SLC24A2: variants seen among roughly 807,000 people sequenced by gnomAD.
SLC24A2 encodes sodium/potassium/calcium exchanger 2.
SLC24A2 carries 36 observed loss-of-function variants against 62.0 expected under a neutral mutation model. The observed-to-expected ratio is 0.58, with a 90% CI of 0.44 to 0.77. The LOEUF (loss-of-function observed/expected upper bound fraction) is 0.77, where lower values mean the gene tolerates loss of function less well. SLC24A2 is among the 30% of genes least tolerant of loss of function. The pLI, the probability that SLC24A2 is intolerant of heterozygous loss-of-function variation, is 0.00. For missense variants in SLC24A2, 846 were observed against 817.9 expected, an observed-to-expected ratio of 1.03 and a Z score of -0.42; for synonymous variants, 358 against 294.0, an observed-to-expected ratio of 1.22 and a Z score of -2.23.
chr9:19,883,638 T>A, the SLC24A2 span, among the ~76,000 whole-genome samples: 1 of 151,702 alleles, frequency 6.6e-6, no homozygotes, highest in Non-Finnish European at 1.5e-5. Flanking sequence ...CTATCTCGGC[T>A]CACTGCAAGC....
chr9:20,233,988 C>A, the SLC24A2 span, among the ~76,000 whole-genome samples: 386 of 152,276 alleles, frequency 2.5e-3, 3 homozygotes, highest in African/African-American at 9.0e-3. Flanking sequence ...ACTTACGAAG[C>A]TTAGTTTGGC....
intron 2 of SLC24A2, among the ~76,000 whole-genome samples, chr9:19,755,667 A>C (rs975947690): frequency 6.6e-6 from 1 of 152,178 alleles, no homozygotes; most frequent in Admixed American, 6.5e-5. Flanking sequence ...TGTGGGTCAG[A>C]GTCTATCAAG....
chr9:20,071,520 A>G, the SLC24A2 span, among the ~76,000 whole-genome samples: 1 of 152,210 alleles, frequency 6.6e-6, no homozygotes, highest in Non-Finnish European at 1.5e-5. Flanking sequence ...TGACTGTGGT[A>G]GGATGAATAA....
chr9:19,851,000 T>TATATAC, the SLC24A2 span, among the ~76,000 whole-genome samples: 3 of 45,176 alleles, frequency 6.6e-5, no homozygotes, highest in Non-Finnish European at 1.4e-4. Flanking sequence ...TATATATATA[T>TATATAC]ACACATACAT....
the SLC24A2 span, among the ~76,000 whole-genome samples, chr9:19,835,768 T>C: frequency 6.6e-6 from 1 of 152,166 alleles, no homozygotes; most frequent in Non-Finnish European, 1.5e-5. Context: ...ATCAACAGAA[T>C]ATACATTCTT....
the SLC24A2 span, among the ~76,000 whole-genome samples, chr9:19,906,059 C>T: frequency 2.6e-5 from 4 of 152,152 alleles, no homozygotes; most frequent in Admixed American, 1.3e-4. Context: ...TATTCCAAAA[C>T]TGACCACATA....
intron 2 of SLC24A2, among the ~76,000 whole-genome samples, chr9:19,734,778 T>G (rs544996214): frequency 2.6e-5 from 2 of 76,526 alleles, no homozygotes; most frequent in East Asian, 1.4e-3. Flanking sequence ...AAGGAGATTT[T>G]GGGCTGAGAT....
At chr9:20,026,337 C>T in the SLC24A2 span, among the ~76,000 whole-genome samples, 1 of 152,188 alleles carries the variant, frequency 6.6e-6, no homozygotes, top group African/African-American at 2.4e-5. Context: ...TGCCATCAGT[C>T]TGCAATTAAA....
At chr9:19,541,543 T>G (rs1365697447) in intron 8 of SLC24A2, among the ~76,000 whole-genome samples, 2 of 148,446 alleles carry the variant, frequency 1.3e-5, no homozygotes, top group African/African-American at 5.0e-5. Flanking sequence ...GGGACCCAAT[T>G]GAGGAGGCAG....
the SLC24A2 span, among the ~76,000 whole-genome samples, chr9:19,910,500 C>T: frequency 6.6e-6 from 1 of 152,024 alleles, no homozygotes; most frequent in Admixed American, 6.6e-5. Context: ...TCTCAATTTC[C>T]TATAGGATAA....
At chr9:19,846,298 G>T in the SLC24A2 span, among the ~76,000 whole-genome samples, 3 of 152,150 alleles carry the variant, frequency 2.0e-5, no homozygotes, top group African/African-American at 7.2e-5. Flanking sequence ...CATATATTTG[G>T]ATAGTTAAGT....
chr9:19,559,468 C>T (rs183528775), intron 7 of SLC24A2, among the ~76,000 whole-genome samples: 195 of 152,258 alleles, frequency 1.3e-3, no homozygotes, highest in Middle Eastern at 6.8e-3. Context: ...TTTAAGTAGA[C>T]TTACTATCAG....
chr9:19,704,697 G>C (rs1440996297), intron 2 of SLC24A2, among the ~76,000 whole-genome samples: 1 of 151,986 alleles, frequency 6.6e-6, no homozygotes, highest in Non-Finnish European at 1.5e-5. Context: ...ACTGTCAGAA[G>C]AGAGAAAGAC....
the SLC24A2 span, among the ~76,000 whole-genome samples, chr9:20,090,710 T>A: frequency 6.6e-6 from 1 of 151,996 alleles, no homozygotes; most frequent in African/African-American, 2.4e-5. Flanking sequence ...CTGACTATAC[T>A]TAATCTATAT....
the SLC24A2 span, among the ~76,000 whole-genome samples, chr9:20,086,235 A>G: frequency 6.6e-6 from 1 of 152,030 alleles, no homozygotes; most frequent in East Asian, 1.9e-4. Context: ...TGTTCTTTAT[A>G]TTGCTGGTGT....
intron 2 of SLC24A2, among the ~76,000 whole-genome samples, chr9:19,638,083 A>G (rs1015902230): frequency 6.6e-6 from 1 of 152,226 alleles, no homozygotes; most frequent in Non-Finnish European, 1.5e-5. Flanking sequence ...CTGCTGGAGA[A>G]AGAGAGGCTC....
intron 2 of SLC24A2, among the ~76,000 whole-genome samples, chr9:19,770,994 A>C (rs192466115): frequency 1.2e-3 from 184 of 152,342 alleles, no homozygotes; most frequent in African/African-American, 4.1e-3. Flanking sequence ...ATTTGCAAGA[A>C]ACTGGACTGA....
chr9:19,957,471 G>T, the SLC24A2 span: 1 of 152,250 alleles, frequency 6.6e-6, no homozygotes, highest in African/African-American at 2.4e-5. Context: ...TGGCTTGAAG[G>T]TTGCTGGATT....
At chr9:20,010,641 G>C in the SLC24A2 span, among the ~76,000 whole-genome samples, 2 of 151,878 alleles carry the variant, frequency 1.3e-5, no homozygotes, top group Non-Finnish European at 2.9e-5. Flanking sequence ...TTAAGTTCTA[G>C]GGTACATGTG....
Sources: gnomAD v4.1 joint callset for allele counts (sites outside exome capture counted in the v4.1 genomes callset) on GRCh38, gnomAD v4.1.1 for gene constraint, MANE v1.5 for transcripts, NCBI Gene and HGNC (gene_info 2026-07-23, HGNC 2026-07-21) for gene names.